The following RALYL variants were observed in gnomAD, a reference collection of about 807,000 sequenced individuals.
The protein encoded by RALYL is RNA-binding Raly-like protein.
In RALYL, 29 loss-of-function variants were observed where a neutral mutation model predicts 35.1. The observed-to-expected ratio is 0.83, with a 90% confidence interval of 0.61 to 1.13. The LOEUF (loss-of-function observed/expected upper bound fraction) is 1.13, where lower values mean the gene tolerates loss of function less well. RALYL is among the 50% of genes most tolerant of loss of function. The probability of loss-of-function intolerance (pLI) is 0.00; values close to 1 mark genes in which losing one functional copy is unlikely to be tolerated. For missense variants in RALYL, 359 were observed against 360.4 expected (o/e 1.00, Z 0.03); for synonymous variants, 120 against 127.6 (o/e 0.94, Z 0.40).
chr8:84,836,651 T>C (rs1832088229), intron 4 of RALYL, among the ~76,000 whole-genome samples: 1 of 152,174 alleles, frequency 6.6e-6, no homozygotes, highest in South Asian at 2.1e-4. Context: ...CAATATTAGA[T>C]TGGCAAAGTT....
intron 3 of RALYL, among the ~76,000 whole-genome samples, chr8:84,781,719 G>A (rs1818215639): frequency 6.6e-6 from 1 of 152,156 alleles, no homozygotes; most frequent in East Asian, 1.9e-4. Context: ...AGGTGGGCAG[G>A]TAGGATCAAG....
chr8:84,629,837 G>A (rs1417961170), intron 2 of RALYL, among the ~76,000 whole-genome samples: 3 of 151,862 alleles, frequency 2.0e-5, no homozygotes, highest in Non-Finnish European at 4.4e-5. Context: ...TGCATTTTTG[G>A]ATGAAAAACC....
intron 1 of RALYL, among the ~76,000 whole-genome samples, chr8:84,265,852 G>T (rs1586645802): frequency 6.6e-6 from 1 of 152,182 alleles, no homozygotes; most frequent in East Asian, 1.9e-4. Flanking sequence ...TTTTTATCAA[G>T]ATGAGATATT....
chr8:84,861,032 T>C (rs538123405), intron 5 of RALYL, among the ~76,000 whole-genome samples: 36 of 152,314 alleles, frequency 2.4e-4, no homozygotes, highest in Non-Finnish European at 5.0e-4. Context: ...ATAAACAAGA[T>C]GTAATTTTAT....
intron 2 of RALYL, among the ~76,000 whole-genome samples, chr8:84,671,736 G>A (rs1169800831): frequency 6.6e-6 from 1 of 152,214 alleles, no homozygotes; most frequent in Non-Finnish European, 1.5e-5. Context: ...AGCAGTGGGG[G>A]CCTGGGCCCA....
At chr8:84,466,963 G>A (rs1258576880) in intron 1 of RALYL, among the ~76,000 whole-genome samples, 2 of 152,100 alleles carry the variant, frequency 1.3e-5, no homozygotes, top group Non-Finnish European at 2.9e-5. Context: ...ATGGTAGTTT[G>A]TATTTCTGTG....
At chr8:84,722,271 G>T (rs959326951) in intron 2 of RALYL, among the ~76,000 whole-genome samples, 2 of 151,636 alleles carry the variant, frequency 1.3e-5, no homozygotes, top group Non-Finnish European at 2.9e-5. Context: ...TTATATTCTG[G>T]ACTTGGTAAT....
chr8:84,869,742 T>C (rs1476173570), intron 6 of RALYL, among the ~76,000 whole-genome samples: 4 of 152,170 alleles, frequency 2.6e-5, no homozygotes, highest in Non-Finnish European at 5.9e-5. Flanking sequence ...GACAGTTAGC[T>C]GAAACTTCTT....
intron 4 of RALYL, among the ~76,000 whole-genome samples, chr8:84,843,338 G>A (rs1369200734): frequency 6.6e-6 from 1 of 152,074 alleles, no homozygotes; most frequent in Non-Finnish European, 1.5e-5. Flanking sequence ...CAAACAGAGG[G>A]CCAAATCATG....
intron 1 of RALYL, among the ~76,000 whole-genome samples, chr8:84,192,397 A>G (rs1814113650): frequency 6.6e-6 from 1 of 152,150 alleles, no homozygotes; most frequent in South Asian, 2.1e-4. Flanking sequence ...GTGCTTGAAG[A>G]TTTATTTTAT....
Position 84,413,505 on chromosome 8 carries a change from A to C in RALYL, c.-23-115794A>C, listed in dbSNP as rs545432356. On this transcript the variant is annotated intron_variant, in intron 1 of 8. Coordinates refer to ENST00000521268, the MANE Select transcript of RALYL (RefSeq NM_173848.7). ...GATATGGTTTGGGATGAGCTGTGTA[A>C]CTTATTTGGACATGTGAACATCTTT... is the stretch of plus-strand genomic sequence containing the variant. 2.2e-4 allele frequency among the ~76,000 whole-genome samples: 34 copies of C among 152,138 alleles called. 2 individuals are homozygous for C. In the South Asian group the frequency reaches 7.0e-3, roughly 32 times the overall value.
intron 1 of RALYL, among the ~76,000 whole-genome samples, chr8:84,478,272 C>A (rs1183503761): frequency 6.6e-6 from 1 of 152,012 alleles, no homozygotes; most frequent in Non-Finnish European, 1.5e-5. Context: ...ACTACTAAGA[C>A]CACAAATACA....
intron 2 of RALYL, among the ~76,000 whole-genome samples, chr8:84,757,713 A>G (rs1213096649): frequency 6.6e-6 from 1 of 152,168 alleles, no homozygotes; most frequent in African/African-American, 2.4e-5. Context: ...AATTAAACTC[A>G]GAAAGGAGGT....
chr8:84,520,112 C>T (rs189550644), intron 1 of RALYL, among the ~76,000 whole-genome samples: 27 of 152,296 alleles, frequency 1.8e-4, no homozygotes, highest in African/African-American at 5.8e-4. Flanking sequence ...ATCTATTTCC[C>T]GCAGTAAAAC....
At chr8:84,475,420 ACATTG>A (rs751776703) in intron 1 of RALYL, among the ~76,000 whole-genome samples, 9 of 152,018 alleles carry the variant, frequency 5.9e-5, no homozygotes, top group Non-Finnish European at 1.2e-4. Flanking sequence ...GGTTTTCACC[ACATTG>A]CCCAGGCTGT....
intron 2 of RALYL, among the ~76,000 whole-genome samples, chr8:84,768,910 G>T (rs896278883): frequency 9.9e-5 from 15 of 152,244 alleles, no homozygotes; most frequent in African/African-American, 3.6e-4. Flanking sequence ...TTCATGAAAG[G>T]TTTTTCATTG....
At chr8:84,358,565 C>T (rs777366782) in intron 1 of RALYL, among the ~76,000 whole-genome samples, 2 of 151,784 alleles carry the variant, frequency 1.3e-5, no homozygotes, top group Admixed American at 6.6e-5. Flanking sequence ...AAATGATGAG[C>T]GTGGTTTTGA....
intron 1 of RALYL, among the ~76,000 whole-genome samples, chr8:84,319,119 C>T (rs887053202): frequency 6.6e-6 from 1 of 152,062 alleles, no homozygotes; most frequent in East Asian, 1.9e-4. Context: ...GATTATCAGC[C>T]AACTATACAT....
chr8:84,444,877 G>T (rs1170122527), intron 1 of RALYL, among the ~76,000 whole-genome samples: 3 of 152,088 alleles, frequency 2.0e-5, no homozygotes, highest in East Asian at 3.9e-4. Flanking sequence ...TAGAGTGAAA[G>T]AATTATAATG....
Sources: allele counts gnomAD v4.1 joint callset (sites outside exome capture counted in the v4.1 genomes callset), GRCh38; gene constraint gnomAD v4.1.1; transcripts MANE v1.5; gene names NCBI Gene and HGNC (gene_info 2026-07-23, HGNC 2026-07-21).